The following RRAS variants were observed in gnomAD, a reference collection of about 807,000 sequenced individuals.
RRAS encodes the protein ras-related protein R-Ras.
RRAS carries 18 observed loss-of-function variants against 23.3 expected under a neutral mutation model. The ratio of observed to expected loss-of-function variants is 0.77; its 90% CI spans 0.53 to 1.15. The LOEUF (loss-of-function observed/expected upper bound fraction) is 1.15, where lower values mean the gene tolerates loss of function less well. Ranked by LOEUF, RRAS falls within the 50% of genes most tolerant of loss-of-function variation. RRAS has a pLI of 0.00. For synonymous variants in RRAS, 133 were observed against 138.3 expected, an observed-to-expected ratio of 0.96 and a Z score of 0.27; for missense variants, 291 against 317.1, an observed-to-expected ratio of 0.92 and a Z score of 0.62.
At position 49,636,200 on chromosome 19, in the gene RRAS, G is replaced by A. The variant is rs909754558; in HGVS notation, c.454-348C>T. On this transcript the variant is annotated intron_variant, in intron 4 of 5. Coordinates refer to ENST00000246792, the MANE Select transcript of RRAS (RefSeq NM_006270.5). This position sits in a 1 kb window ranked among gnomAD's most constrained non-coding sequence, Gnocchi z 4.5. Reference sequence around the variant, plus strand: ...TGAGTTCTGTGTGGAAATCGTTGTGGGGGAAGTGATGGGAGCAGGGAAAGG... The same window carrying A: ...TGAGTTCTGTGTGGAAATCGTTGTGAGGGAAGTGATGGGAGCAGGGAAAGG... Among the ~76,000 whole-genome samples, 8 of 152,070 alleles carry A rather than the reference G, an allele frequency of 5.3e-5. No homozygotes were observed. The highest frequency in any genetic ancestry group is 1.9e-4 in the African/African-American group (8 of 41,392).
chr19:49,638,150 G>A (rs1303700205), intron 1 of RRAS, among the ~76,000 whole-genome samples: 2 of 152,112 alleles, frequency 1.3e-5, no homozygotes, highest in African/African-American at 4.8e-5. Flanking sequence ...TCCTCCCAGG[G>A]GAAGGTCCCG....
At chr19:49,637,773 C>T (rs2081003923) in intron 1 of RRAS, among the ~76,000 whole-genome samples, 1 of 127,124 alleles carries the variant, frequency 7.9e-6, no homozygotes, top group African/African-American at 2.9e-5. Flanking sequence ...CCTTTCCCTG[C>T]CCCCCACCCC....
At position 49,636,614 on chromosome 19, in the gene RRAS, C is replaced by T. The variant is rs766707816; in HGVS notation, c.453+5G>A. 35 of 1,611,232 alleles carry T rather than the reference C, an allele frequency of 2.2e-5. No individual in the cohort carries two copies. In the East Asian group the frequency reaches 5.3e-4, roughly 25 times the overall value. On this transcript the variant is annotated splice_donor_5th_base_variant and intron_variant, in intron 4 of 5. Coordinates refer to ENST00000246792, the MANE Select transcript of RRAS (RefSeq NM_006270.5). This position sits in a 1 kb window ranked among gnomAD's most constrained non-coding sequence, Gnocchi z 4.5. Reference sequence around the variant, plus strand: ...GGGGTCCCCAGAAAGAGGGGTGTCCCGAACCTGGCGCTGTGACTCCAGATC... The same window carrying T: ...GGGGTCCCCAGAAAGAGGGGTGTCCTGAACCTGGCGCTGTGACTCCAGATC...
At chr19:49,639,895 G>A in intron 1 of RRAS, 51 bp downstream of exon 1, 1 of 1,502,652 alleles carries the variant, frequency 6.7e-7, no homozygotes, top group Non-Finnish European at 8.9e-7. Context: ...ATCCCCCCAA[G>A]GGCTCAGTTC....
rs772132258 is a variant in RRAS at position 49,640,055 on chromosome 19, C to T, written c.44G>A (p.Arg15Gln). The stretch of plus-strand genomic sequence containing the variant: ...GTCCCCGGGCCCAGGTCCCCCGCCC[C>T]GGGGCCGCCCCCGCCCTGTCCCGGA... The part of the protein sequence containing the change: ...AASGTGRGRP[R>Q]GGGPGPGDPP... Residue 15 changes from arginine to glutamine, a missense_variant, in exon 1 of 6, where the codon CGG (arginine) becomes CAG (glutamine). Transcript: ENST00000246792. 6.7e-7 allele frequency: 1 copy of T among 1,487,640 alleles called. No homozygotes were observed. 92.2% of individuals were successfully genotyped at this position (1,487,640 alleles called of 1,614,324 possible). A position where few individuals can be genotyped will look rare whatever the true frequency, so the allele number is the denominator to read the frequency against.
At position 49,636,347 on chromosome 19, in the gene RRAS, G is replaced by A. The variant is rs1425233069; in HGVS notation, c.453+272C>T. The stretch of plus-strand genomic sequence containing the variant: ...GAGGTTGGCTGGAAGGGAGGAATGC[G>A]AGGAAGGGGCAAAGAGAGCTGGCGG... On this transcript the variant is annotated intron_variant, in intron 4 of 5. Coordinates refer to ENST00000246792, the MANE Select transcript of RRAS (RefSeq NM_006270.5). This position sits in a 1 kb window ranked among gnomAD's most constrained non-coding sequence, Gnocchi z 4.5. Among the ~76,000 whole-genome samples the A allele has an allele frequency of 2.0e-5, 3 of 152,090 alleles. No individual in the cohort carries two copies. Among genetic ancestry groups the A allele is most frequent in the Non-Finnish European group, 4.4e-5 (3 of 68,000 alleles).
chr19:49,639,282 A>G (rs953470535), intron 1 of RRAS, among the ~76,000 whole-genome samples: 1 of 151,984 alleles, frequency 6.6e-6, no homozygotes, highest in East Asian at 1.9e-4. Context: ...AAAATTAGCC[A>G]GGCATGGTGG....
In RRAS at chr19:49,636,645, T is replaced by A. The variant is rs896071517; in HGVS notation, c.427A>T (p.Lys143Ter). 4 of 1,613,940 alleles carry A rather than the reference T, an allele frequency of 2.5e-6. No individual in the cohort carries two copies. Among genetic ancestry groups the A allele is most frequent in the Non-Finnish European group, 3.4e-6 (4 of 1,179,944 alleles). The change falls in exon 4 of 6, where the codon AAG becomes TAG. Residue 143 changes from lysine (K) to a stop codon, truncating the protein, a stop_gained. Transcript: ENST00000246792. LOFTEE classifies it high-confidence loss of function. The surrounding 1 kb of genome is among the most constrained non-coding windows in gnomAD (Gnocchi z 4.5). ...TGGCGCTGTGACTCCAGATCTGCCT[T>A]GTTCCCGACCAACACAACGGGGAAG... The part of the protein sequence containing the change: ...DDFPVVLVGN[K>*]ADLESQRQVP...
At position 49,636,483 on chromosome 19, in the gene RRAS, A is replaced by G. The variant is rs933787543; in HGVS notation, c.453+136T>C. ...ACCCTGAAGGTCCAGTTTGGGGGTA[A>G]CCCATCTAGGTGAGCTGTGTGACAG... On this transcript the variant is annotated intron_variant, in intron 4 of 5. Coordinates refer to ENST00000246792, the MANE Select transcript of RRAS (RefSeq NM_006270.5). This position sits in a 1 kb window ranked among gnomAD's most constrained non-coding sequence, Gnocchi z 4.5. The G allele has an allele frequency of 7.1e-6, 5 of 706,090 alleles. No individual in the cohort carries two copies. Among genetic ancestry groups the G allele is most frequent in the African/African-American group, 5.2e-5 (3 of 57,418 alleles). The allele number at this position is 706,090 out of a possible 1,614,324, so 43.7% of individuals were successfully genotyped here.
rs956762706 is a variant in RRAS at position 49,640,114 on chromosome 19, G to T, written c.-16C>A. 2.2e-6 allele frequency: 3 copies of T among 1,369,838 alleles called. No individual in the cohort carries two copies. The African/African-American group carries it at 4.6e-5, about 21-fold the overall frequency. 84.9% of individuals were successfully genotyped at this position (1,369,838 alleles called of 1,614,324 possible). ...CGCTGCTCATGTCGCCACCGCTGCT[G>T]CTGCCTTCGCTACCGCCTGCGGGGG... On this transcript the variant is annotated 5_prime_UTR_variant, in exon 1 of 6. Coordinates refer to ENST00000246792, the MANE Select transcript of RRAS (RefSeq NM_006270.5).
In RRAS at chr19:49,636,591, G is replaced by T. The variant is rs372053161; in HGVS notation, c.453+28C>A. 5 of 1,528,358 alleles carry T rather than the reference G, an allele frequency of 3.3e-6. No homozygotes were observed. Among genetic ancestry groups the T allele is most frequent in the Non-Finnish European group, 4.5e-6 (5 of 1,101,654 alleles). 94.7% of individuals were successfully genotyped at this position (1,528,358 alleles called of 1,614,324 possible). ...GAAGGAGCCTCCCAGACTGAGATGG[G>T]GTCCCCAGAAAGAGGGGTGTCCCGA... On this transcript the variant is annotated intron_variant, in intron 4 of 5. Coordinates refer to ENST00000246792, the MANE Select transcript of RRAS (RefSeq NM_006270.5). The surrounding 1 kb of genome is among the most constrained non-coding windows in gnomAD (Gnocchi z 4.5).
chr19:49,639,913 C>CG (rs779827528), intron 1 of RRAS, 33 bp downstream of exon 1: 217 of 1,550,930 alleles, frequency 1.4e-4, no homozygotes, highest in Non-Finnish European at 1.8e-4. Flanking sequence ...TTCTGGGTCC[C>CG]GGGGGACACC....
At position 49,636,774 on chromosome 19, in the gene RRAS, A is replaced by G; in HGVS notation, c.345-47T>C. 6.2e-7 allele frequency: 1 copy of G among 1,608,208 alleles called. No individual in the cohort carries two copies. The highest frequency in any genetic ancestry group is 1.1e-5 in the South Asian group (1 of 90,988). On this transcript the variant is annotated intron_variant, in intron 3 of 5. Coordinates refer to ENST00000246792, the MANE Select transcript of RRAS (RefSeq NM_006270.5). This position sits in a 1 kb window ranked among gnomAD's most constrained non-coding sequence, Gnocchi z 4.5. ...TGAGGTCCAGCCAGCTGCAGAGCCC[A>G]GGTCCTCCCCACACCCACCCACTGC...
rs1230235923 is a variant in RRAS, at chr19:49,636,071, G to A, written c.454-219C>T. On this transcript the variant is annotated intron_variant, in intron 4 of 5. Coordinates refer to ENST00000246792, the MANE Select transcript of RRAS (RefSeq NM_006270.5). This position sits in a 1 kb window ranked among gnomAD's most constrained non-coding sequence, Gnocchi z 4.5. ...GCTTCGTGGGCACTTGCCCTGCTAT[G>A]CCTTAGATAACCAGGAGTGGGCAGG... Among the ~76,000 whole-genome samples the A allele has an allele frequency of 6.6e-6, 1 of 152,220 alleles. No individual in the cohort carries two copies. The highest frequency in any genetic ancestry group is 1.5e-5 in the Non-Finnish European group (1 of 68,032).
rs1194255565 is a variant in RRAS at position 49,636,155 on chromosome 19, C to T, written c.454-303G>A. On this transcript the variant is annotated intron_variant, in intron 4 of 5. Coordinates refer to ENST00000246792, the MANE Select transcript of RRAS (RefSeq NM_006270.5). The surrounding 1 kb of genome is among the most constrained non-coding windows in gnomAD (Gnocchi z 4.5). ...CGGAACCCCAAAGCCTGGAAATCCC[C>T]AGAGCCTTTGCCAGATGGATGAGTT... 1.3e-5 allele frequency among the ~76,000 whole-genome samples: 2 copies of T among 152,148 alleles called. No homozygotes were observed. Among genetic ancestry groups the T allele is most frequent in the Non-Finnish European group, 2.9e-5 (2 of 68,026 alleles).
In RRAS at chr19:49,635,543, G is replaced by C. The variant is rs760518573; in HGVS notation, c.*33C>G. The C allele has an allele frequency of 1.5e-6, 2 of 1,352,834 alleles. No individual in the cohort carries two copies. The highest frequency in any genetic ancestry group is 2.6e-5 in the Admixed American group (1 of 37,838). The allele number at this position is 1,352,834 out of a possible 1,614,324, so 83.8% of individuals were successfully genotyped here. On this transcript the variant is annotated 3_prime_UTR_variant, in exon 6 of 6. Coordinates refer to ENST00000246792, the MANE Select transcript of RRAS (RefSeq NM_006270.5). Reference sequence around the variant, plus strand: ...AAGGTGCGAAGGCAGCTAGTCCCGAGAGCTTGTGGTGGTTGCTTCTCTCTT... The same window carrying C: ...AAGGTGCGAAGGCAGCTAGTCCCGACAGCTTGTGGTGGTTGCTTCTCTCTT...
At position 49,636,003 on chromosome 19, in the gene RRAS, T is replaced by A; in HGVS notation, c.454-151A>T. On this transcript the variant is annotated intron_variant, in intron 4 of 5. Coordinates refer to ENST00000246792, the MANE Select transcript of RRAS (RefSeq NM_006270.5). The surrounding 1 kb of genome is among the most constrained non-coding windows in gnomAD (Gnocchi z 4.5). ...GCTCCTGAGAGATTATGGAGGGAGA[T>A]GCCGCAGGGGCTTGGTGTCTTCTAA... The A allele has an allele frequency of 2.0e-6, 1 of 508,202 alleles. No individual in the cohort carries two copies. Among genetic ancestry groups the A allele is most frequent in the South Asian group, 3.1e-5 (1 of 32,678 alleles). 31.5% of individuals were successfully genotyped at this position (508,202 alleles called of 1,614,324 possible).
At chr19:49,639,799 G>A (rs919478189) in intron 1 of RRAS, 147 bp downstream of exon 1, 9 of 658,606 alleles carry the variant, frequency 1.4e-5, no homozygotes, top group Non-Finnish European at 2.2e-5. Context: ...AAGAGTTTAG[G>A]TTACAATCTG....
intron 1 of RRAS, among the ~76,000 whole-genome samples, chr19:49,637,657 GC>G (rs1388763296): frequency 6.6e-6 from 1 of 151,500 alleles, no homozygotes; most frequent in Non-Finnish European, 1.5e-5. Flanking sequence ...CTGGGTCTCT[GC>G]CCCCTTTTCT....
Sources: gnomAD v4.1 joint callset for allele counts (sites outside exome capture counted in the v4.1 genomes callset) on GRCh38, gnomAD v4.1.1 for gene constraint, Gnocchi (gnomAD v3.1) non-coding constraint, MANE v1.5 for transcripts, NCBI Gene and HGNC (gene_info 2026-07-23, HGNC 2026-07-21) for gene names.